CMIP: variants seen among roughly 807,000 people sequenced by gnomAD.
The protein encoded by CMIP is C-Maf-inducing protein.
Under a neutral mutation model 97.3 loss-of-function variants are expected in CMIP, and 13 were observed. The observed-to-expected ratio is 0.13, with a 90% CI of 0.09 to 0.21. The LOEUF is 0.21. Ranked by LOEUF, CMIP falls within the 10% of genes least tolerant of loss-of-function variation. The pLI is 1.00. For synonymous variants in CMIP, 538 were observed against 436.3 expected, an observed-to-expected ratio of 1.23 and a Z score of -2.91; for missense variants, 847 against 1,024.9, an observed-to-expected ratio of 0.83 and a Z score of 2.37.
chr16:81,681,522 GC>G (rs1355830098), intron 10 of CMIP, among the ~76,000 whole-genome samples: 1 of 152,228 alleles, frequency 6.6e-6, no homozygotes, highest in African/African-American at 2.4e-5. Flanking sequence ...GATGGGAGGG[GC>G]CAGCCCTGAG....
intron 1 of CMIP, among the ~76,000 whole-genome samples, chr16:81,569,234 T>C (rs1401088044): frequency 6.6e-6 from 1 of 152,214 alleles, no homozygotes; most frequent in East Asian, 1.9e-4. Flanking sequence ...GAGCACCTGT[T>C]GTGTATCATG....
chr16:81,684,092 A>G (rs932283449), intron 10 of CMIP, among the ~76,000 whole-genome samples: 2 of 152,190 alleles, frequency 1.3e-5, no homozygotes, highest in Non-Finnish European at 2.9e-5. Context: ...TCATTCCTGG[A>G]GCACATGATA....
intron 2 of CMIP, among the ~76,000 whole-genome samples, chr16:81,608,504 C>G (rs1299377679): frequency 1.3e-5 from 2 of 152,074 alleles, no homozygotes; most frequent in African/African-American, 4.8e-5. Flanking sequence ...CTTTCCAGTA[C>G]CTTTTACAAA....
chr16:81,479,065 A>G (rs1348845766), intron 1 of CMIP, among the ~76,000 whole-genome samples: 1 of 152,196 alleles, frequency 6.6e-6, no homozygotes, highest in Non-Finnish European at 1.5e-5. Context: ...AGTGTGCACC[A>G]GCTCTTTAGT....
chr16:81,698,850 C>G (rs753360891), intron 14 of CMIP, among the ~76,000 whole-genome samples: 2 of 152,212 alleles, frequency 1.3e-5, no homozygotes, highest in Non-Finnish European at 2.9e-5. Flanking sequence ...TAAGTGGAGT[C>G]AGAGTCTCCT....
At chr16:81,618,499 T>A (rs2091950976) in intron 2 of CMIP, 1 of 152,228 alleles carries the variant, frequency 6.6e-6, no homozygotes, top group Non-Finnish European at 1.5e-5. Flanking sequence ...GGGGCTTTAT[T>A]TTCCTTACCA....
At chr16:81,642,337 C>A (rs1221912168) in intron 3 of CMIP, among the ~76,000 whole-genome samples, 1 of 152,116 alleles carries the variant, frequency 6.6e-6, no homozygotes, top group Non-Finnish European at 1.5e-5. Context: ...AGAGACAGTG[C>A]CCCACTCAGA....
intron 10 of CMIP, among the ~76,000 whole-genome samples, chr16:81,688,139 C>T (rs1023180972): frequency 6.6e-6 from 1 of 152,038 alleles, no homozygotes; most frequent in Non-Finnish European, 1.5e-5. Context: ...CTTCACCACA[C>T]ACCATGGTGT....
intron 1 of CMIP, among the ~76,000 whole-genome samples, chr16:81,580,589 C>G (rs1023552486): frequency 1.3e-5 from 2 of 151,904 alleles, no homozygotes; most frequent in East Asian, 1.9e-4. Flanking sequence ...ATGCCTGCCA[C>G]CACACCCAGC....
intron 1 of CMIP, among the ~76,000 whole-genome samples, chr16:81,575,468 C>A (rs188439563): frequency 1.3e-5 from 2 of 152,242 alleles, no homozygotes; most frequent in African/African-American, 4.8e-5. Flanking sequence ...TGTCCCGAGT[C>A]GAGTCCGTAG....
intron 1 of CMIP, among the ~76,000 whole-genome samples, chr16:81,458,610 C>T (rs1429918947): frequency 6.6e-6 from 1 of 152,208 alleles, no homozygotes; most frequent in Non-Finnish European, 1.5e-5. Flanking sequence ...AACCCGCACA[C>T]TGTTTCCCCA....
rs2092426550 is a variant in CMIP, at chr16:81,651,339, A to C, written c.478-864A>C. On this transcript the variant is annotated intron_variant, in intron 3 of 20. Coordinates refer to ENST00000537098, the MANE Select transcript of CMIP (RefSeq NM_198390.3). ...AGGGCCTCCGTTTCCATGATGTCAG[A>C]GAGGCGGAACTAACTCTGCCTCAAA... The C allele has an allele frequency of 5.6e-6, 4 of 715,698 alleles. No individual in the cohort carries two copies. In the African/African-American group the frequency reaches 7.7e-5, roughly 14 times the overall value. The allele number at this position is 715,698 out of a possible 1,614,324, so 44.3% of individuals were successfully genotyped here.
intron 1 of CMIP, among the ~76,000 whole-genome samples, chr16:81,549,489 C>G (rs900440793): frequency 3.3e-5 from 5 of 152,142 alleles, no homozygotes; most frequent in African/African-American, 1.2e-4. Flanking sequence ...CTGTACGTGC[C>G]CCAGGAAACT....
intron 10 of CMIP, among the ~76,000 whole-genome samples, chr16:81,690,281 C>A (rs1278865091): frequency 6.6e-6 from 1 of 152,218 alleles, no homozygotes; most frequent in Non-Finnish European, 1.5e-5. Context: ...TTCTTCCTAT[C>A]CATGAGCATG....
intron 1 of CMIP, among the ~76,000 whole-genome samples, chr16:81,545,768 G>C (rs955223632): frequency 3.3e-5 from 5 of 152,204 alleles, no homozygotes; most frequent in African/African-American, 1.2e-4. Context: ...GCTTACCTGG[G>C]CATAGAAGCC....
chr16:81,613,168 C>G (rs929243012), intron 2 of CMIP, among the ~76,000 whole-genome samples: 32 of 152,232 alleles, frequency 2.1e-4, no homozygotes, highest in African/African-American at 7.2e-4. Context: ...CAGCCTCCAC[C>G]TGCTCTCCTA....
chr16:81,580,641 G>T (rs1376322959), intron 1 of CMIP, among the ~76,000 whole-genome samples: 1 of 151,918 alleles, frequency 6.6e-6, no homozygotes, highest in East Asian at 1.9e-4. Flanking sequence ...TTGCCATGTT[G>T]GCCAGGCTGG....
chr16:81,569,945 T>TCA (rs2091053993), intron 1 of CMIP, among the ~76,000 whole-genome samples: 1 of 150,786 alleles, frequency 6.6e-6, no homozygotes, highest in African/African-American at 2.4e-5. Context: ...TGCACTTAAC[T>TCA]TTCATTCATT....
intron 3 of CMIP, chr16:81,645,427 G>A (rs1170306708): frequency 2.7e-5 from 40 of 1,494,658 alleles, no homozygotes; most frequent in Non-Finnish European, 3.4e-5. Flanking sequence ...TGCCTGGCGC[G>A]ACGTGCTTCC....
Sources: allele counts gnomAD v4.1 joint callset (sites outside exome capture counted in the v4.1 genomes callset), GRCh38; gene constraint gnomAD v4.1.1; transcripts MANE v1.5; gene names NCBI Gene and HGNC (gene_info 2026-07-23, HGNC 2026-07-21).